The following ZFYVE16 variants were observed in gnomAD, a reference collection of about 807,000 sequenced individuals.
ZFYVE16 encodes zinc finger FYVE-type containing 16, also known as zinc finger FYVE domain-containing protein 16.
Under a neutral mutation model 138.1 loss-of-function variants are expected in ZFYVE16, and 89 were observed. The ratio of observed to expected loss-of-function variants is 0.64; its 90% CI spans 0.54 to 0.77. The LOEUF is 0.77. Among genes scored for constraint, ZFYVE16 ranks in the 30% least tolerant of loss-of-function variants. The probability of loss-of-function intolerance (pLI) is 0.00; values close to 1 mark genes in which losing one functional copy is unlikely to be tolerated. For missense variants in ZFYVE16, 1,793 were observed against 1,786.7 expected, an observed-to-expected ratio of 1.00 and a Z score of -0.06; for synonymous variants, 596 against 618.3, an observed-to-expected ratio of 0.96 and a Z score of 0.53.
At chr5:80,432,849 CA>C (rs1338877073) in intron 2 of ZFYVE16, among the ~76,000 whole-genome samples, 1 of 152,184 alleles carries the variant, frequency 6.6e-6, no homozygotes, top group African/African-American at 2.4e-5. Flanking sequence ...AAATGCTCAT[CA>C]TCACTGGCCA....
chr5:80,413,887 A>G (rs1373313046), intron 1 of ZFYVE16, among the ~76,000 whole-genome samples: 14 of 152,156 alleles, frequency 9.2e-5, no homozygotes, highest in African/African-American at 3.1e-4. Context: ...CTCATTTCCT[A>G]TTACAGAAGA....
Position 80,448,093 on chromosome 5 carries a change from T to G in ZFYVE16, c.2792T>G (p.Ile931Ser), listed in dbSNP as rs1297211549. Residue 931 changes from isoleucine to serine, a missense_variant, in exon 8 of 19, where the codon ATT becomes AGT. Physicochemically the swap from Ile to Ser is moderately radical, Grantham distance 142 (BLOSUM62 -2). Coordinates refer to ENST00000505560, the MANE Select transcript of ZFYVE16 (RefSeq NM_001284236.3). ...AAGCCAAACAATGAGACAGGAGATA[T>G]TACAAGAAATGAGATAATTCAGAGT... is the stretch of plus-strand genomic sequence containing the variant. ...VEKPNNETGD[I>S]TRNEIIQSPI... 1 of 1,613,692 alleles carries G rather than the reference T, an allele frequency of 6.2e-7. No individual in the cohort carries two copies. Among genetic ancestry groups the G allele is most frequent in the East Asian group, 2.2e-5 (1 of 44,836 alleles).
chr5:80,477,202 A>T lies in ZFYVE16; in HGVS notation c.4462-17A>T, dbSNP rs1755000854. ...AAGATTGCTCATTTTCTTATCAAGA[A>T]TTTTTTTTTTTTCTAGGTTGAATTT... On this transcript the variant is annotated splice_polypyrimidine_tract_variant and intron_variant, in intron 18 of 18. Coordinates refer to ENST00000505560, the MANE Select transcript of ZFYVE16 (RefSeq NM_001284236.3). The T allele has an allele frequency of 1.3e-6, 2 of 1,523,730 alleles. No homozygotes were observed. Among genetic ancestry groups the T allele is most frequent in the Non-Finnish European group, 1.8e-6 (2 of 1,134,896 alleles). The allele number at this position is 1,523,730 out of a possible 1,614,324, so 94.4% of individuals were successfully genotyped here.
At chr5:80,471,687 C>T (rs903995496) in intron 15 of ZFYVE16, among the ~76,000 whole-genome samples, 6 of 152,132 alleles carry the variant, frequency 3.9e-5, no homozygotes, top group Non-Finnish European at 5.9e-5. Flanking sequence ...GAGAGCGCCC[C>T]GTTGCATTGT....
chr5:80,413,493 AAAAG>A (rs1172184280), intron 1 of ZFYVE16, among the ~76,000 whole-genome samples: 2 of 151,580 alleles, frequency 1.3e-5, no homozygotes, highest in African/African-American at 2.4e-5. Flanking sequence ...AAAGAAAAAA[AAAAG>A]AGAAAAACAA....
rs951002531 is a variant in ZFYVE16 at position 80,438,204 on chromosome 5, G to T, written c.1519G>T (p.Asp507Tyr). 6.2e-7 allele frequency: 1 copy of T among 1,613,832 alleles called. No individual in the cohort carries two copies. The highest frequency in any genetic ancestry group is 1.3e-5 in the African/African-American group (1 of 74,888). Residue 507 changes from aspartate to tyrosine, a missense_variant, in exon 4 of 19, where the codon GAT becomes TAT. Physicochemically the swap from Asp to Tyr is radical, Grantham distance 160 (BLOSUM62 -3). Around this residue, in one of 2 missense-constraint regions of ZFYVE16, gnomAD observed 1,295 missense variants for 1,204.3 expected, o/e 1.08. Coordinates refer to ENST00000505560, the MANE Select transcript of ZFYVE16 (RefSeq NM_001284236.3). ...TTTTATTAATACTTTTTCAAGCAAT[G>T]ATATGGATGGGCAAGACTTAGATTA... ...EGFINTFSSN[D>Y]MDGQDLDYFN... is the part of the protein sequence containing the mutation.
chr5:80,456,718 A>G (rs893549313), intron 13 of ZFYVE16, among the ~76,000 whole-genome samples, 153 bp downstream of exon 13: 2 of 152,152 alleles, frequency 1.3e-5, no homozygotes, highest in Non-Finnish European at 2.9e-5. Flanking sequence ...TTTACTGTAA[A>G]TAATCTGTTT....
chr5:80,423,458 T>C (rs1747534607), intron 1 of ZFYVE16, among the ~76,000 whole-genome samples: 2 of 152,204 alleles, frequency 1.3e-5, no homozygotes, highest in African/African-American at 4.8e-5. Flanking sequence ...GAATGAGTTT[T>C]TGTTTAATTG....
chr5:80,456,599 T>C (rs756577402), intron 13 of ZFYVE16, 34 bp downstream of exon 13: 2 of 1,563,828 alleles, frequency 1.3e-6, no homozygotes, highest in Non-Finnish European at 1.8e-6. Context: ...ATGACAATTA[T>C]TGAACATTAG....
In ZFYVE16 at chr5:80,480,319, C is replaced by T. The variant is rs1755218376; in HGVS notation, c.*2942C>T. 6.6e-6 allele frequency among the ~76,000 whole-genome samples: 1 copy of T among 152,008 alleles called. No homozygotes were observed. Among genetic ancestry groups the T allele is most frequent in the Non-Finnish European group, 1.5e-5 (1 of 68,008 alleles). ...ATTACAAGAATATACATAAAAACTG[C>T]ACTTTAAAACTCAGTAAATAGATGT... On this transcript the variant is annotated 3_prime_UTR_variant, in exon 19 of 19. Transcript: ENST00000505560.
At chr5:80,471,924 G>A (rs1273714174) in intron 15 of ZFYVE16, among the ~76,000 whole-genome samples, 1 of 152,056 alleles carries the variant, frequency 6.6e-6, no homozygotes, top group Non-Finnish European at 1.5e-5. Flanking sequence ...AATCTATTTT[G>A]CCTATAGATT....
intron 5 of ZFYVE16, chr5:80,440,365 T>TA: frequency 9.9e-7 from 1 of 1,005,718 alleles, no homozygotes; most frequent in Non-Finnish European, 1.2e-6. Flanking sequence ...AATAAACACT[T>TA]ACAGATACCT....
intron 2 of ZFYVE16, among the ~76,000 whole-genome samples, chr5:80,432,919 G>T (rs1014435230): frequency 1.3e-5 from 2 of 152,126 alleles, no homozygotes; most frequent in African/African-American, 4.8e-5. Context: ...TTAGAATGGC[G>T]ATCCTTAAAA....
intron 2 of ZFYVE16, among the ~76,000 whole-genome samples, chr5:80,432,106 A>G (rs1316724960): frequency 6.6e-6 from 1 of 152,176 alleles, no homozygotes; most frequent in African/African-American, 2.4e-5. Context: ...TATGGAACCA[A>G]AAAAGGGCCC....
chr5:80,411,423 T>A (rs1486239747), intron 1 of ZFYVE16, among the ~76,000 whole-genome samples: 2 of 152,218 alleles, frequency 1.3e-5, no homozygotes, highest in Non-Finnish European at 2.9e-5. Context: ...ACTATGCATT[T>A]GTTAATTTTT....
At position 80,443,356 on chromosome 5, in the gene ZFYVE16, T is replaced by G. The variant is rs540019311; in HGVS notation, c.2581+72T>G. On this transcript the variant is annotated intron_variant, in intron 6 of 18. Coordinates refer to ENST00000505560, the MANE Select transcript of ZFYVE16 (RefSeq NM_001284236.3). ...TAGAAATTCTCTAATGTAGCCAGAG[T>G]CTAGTCAGGAAAGAGAAACCAGACT... 15 of 1,518,400 alleles carry G rather than the reference T, an allele frequency of 9.9e-6. No individual in the cohort carries two copies. In the African/African-American group the frequency reaches 2.1e-4, roughly 22 times the overall value. The allele number at this position is 1,518,400 out of a possible 1,614,324, so 94.1% of individuals were successfully genotyped here.
Position 80,478,804 on chromosome 5 carries a change from G to A in ZFYVE16, c.*1427G>A, listed in dbSNP as rs1755130469. On this transcript the variant is annotated 3_prime_UTR_variant, in exon 19 of 19. Transcript: ENST00000505560. ...GACTGAATCACATCTGTAGTACTTA[G>A]CCAAAGACAATTTGGAGGAGAATAT... The A allele has an allele frequency of 6.6e-6, 1 of 152,104 alleles. No individual in the cohort carries two copies. The highest frequency in any genetic ancestry group is 2.4e-5 in the African/African-American group (1 of 41,440). 9.4% of individuals were successfully genotyped at this position (152,104 alleles called of 1,614,324 possible). A position where few individuals can be genotyped will look rare whatever the true frequency, so the allele number is the denominator to read the frequency against.
At position 80,479,993 on chromosome 5, in the gene ZFYVE16, A is replaced by G. The variant is rs958535722; in HGVS notation, c.*2616A>G. Among the ~76,000 whole-genome samples the G allele has an allele frequency of 4.6e-5, 7 of 152,232 alleles. No individual in the cohort carries two copies. The highest frequency in any genetic ancestry group is 2.1e-4 in the South Asian group (1 of 4,834). ...TCCTTTAAGGTGTTCCCACACTAGT[A>G]ATGCCTCCAGGTGACAGAGAAAATA... On this transcript the variant is annotated 3_prime_UTR_variant, in exon 19 of 19. Transcript: ENST00000505560.
At position 80,474,609 on chromosome 5, in the gene ZFYVE16, G is replaced by A. The variant is rs1022666896; in HGVS notation, c.4294-54G>A. ...ATTAAACTTGAAAGCAGCAATTGTT[G>A]CATTTTAAAGTTACTTTTAATCATG... is the stretch of plus-strand genomic sequence containing the variant. On this transcript the variant is annotated intron_variant, in intron 17 of 18. Transcript: ENST00000505560. 29 of 1,506,974 alleles carry A rather than the reference G, an allele frequency of 1.9e-5. No homozygotes were observed. In the Admixed American group the frequency reaches 3.0e-4, roughly 16 times the overall value. The allele number at this position is 1,506,974 out of a possible 1,614,324, so 93.4% of individuals were successfully genotyped here.
Sources: gnomAD v4.1 joint callset for allele counts (sites outside exome capture counted in the v4.1 genomes callset) on GRCh38, gnomAD v4.1.1 for gene constraint, gnomAD v4.1.1 regional missense constraint, MANE v1.5 for transcripts, NCBI Gene and HGNC (gene_info 2026-07-23, HGNC 2026-07-21) for gene names.